The following HMCN1 variants were observed in gnomAD, a reference collection of about 807,000 sequenced individuals.
The protein encoded by HMCN1 is hemicentin-1.
A neutral mutation model predicts 625.9 loss-of-function variants in HMCN1; 321 were observed. The observed-to-expected ratio is 0.51, with a 90% CI of 0.47 to 0.56. The LOEUF is 0.56. Among genes scored for constraint, HMCN1 ranks in the 20% least tolerant of loss-of-function variants. HMCN1 has a pLI of 0.00. For synonymous variants in HMCN1, 2,425 were observed against 2,417.6 expected (o/e 1.00, Z -0.09); for missense variants, 6,588 against 6,887.3 (o/e 0.96, Z 1.54).
intron 21 of HMCN1, 69 bp downstream of exon 21, chr1:185,989,716 C>G (rs1165268140): frequency 1.4e-6 from 2 of 1,450,846 alleles, no homozygotes; most frequent in African/African-American, 1.4e-5. Context: ...AGTTCTTTCC[C>G]CAATACTGTT....
chr1:186,147,477 T>C (rs901204785), intron 93 of HMCN1, among the ~76,000 whole-genome samples: 1 of 151,440 alleles, frequency 6.6e-6, no homozygotes, highest in African/African-American at 2.4e-5. Flanking sequence ...TGAATCATCA[T>C]GAAAAAATGT....
rs935761408 is a variant in HMCN1, at chr1:185,994,836, G to A, written c.3527G>A (p.Gly1176Glu). ...CTAGTTCCTCCAAAGATACAGCGTG[G>A]ACCTAAACATCTCAAAGTCCAAGTT... is the stretch of plus-strand genomic sequence containing the variant. ...NVHVPPKIQR[G>E]PKHLKVQVGQ... Residue 1176 changes from glycine to glutamate, a missense_variant, in exon 24 of 107, where the codon GGA becomes GAA. This residue lies in a region of HMCN1 where 4,628 missense variants were observed against 4,853.1 expected (regional missense o/e 0.95). Transcript: ENST00000271588. 1.9e-6 allele frequency: 3 copies of A among 1,613,466 alleles called. No individual in the cohort carries two copies. Among genetic ancestry groups the A allele is most frequent in the African/African-American group, 2.7e-5 (2 of 74,902 alleles).
chr1:185,735,094 A>T (rs1388924553), intron 1 of HMCN1, 47 bp downstream of exon 1: 12 of 1,554,924 alleles, frequency 7.7e-6, no homozygotes, highest in Non-Finnish European at 1.1e-5. Context: ...TCATGATTAC[A>T]TTATTTCTCA....
chr1:186,038,764 T>A, intron 37 of HMCN1, 65 bp from the exon 38 acceptor site: 2 of 890,096 alleles, frequency 2.2e-6, no homozygotes, highest in Admixed American at 1.7e-5. Flanking sequence ...TTAGCTAAGA[T>A]CCAACTTAGT....
Position 185,989,641 on chromosome 1 carries a change from G to C in HMCN1, c.3202G>C (p.Val1068Leu), listed in dbSNP as rs1652271532. Residue 1068 changes from valine (V) to leucine (L), a missense_variant, in exon 21 of 107, where the codon GTC (valine) becomes CTC (leucine). Val to Leu is a conservative substitution (Grantham distance 32, BLOSUM62 1). Around this residue, in one of 3 missense-constraint regions of HMCN1, gnomAD observed 4,628 missense variants for 4,853.1 expected, o/e 0.95. Coordinates refer to ENST00000271588, the MANE Select transcript of HMCN1 (RefSeq NM_031935.3). Reference sequence around the variant, plus strand: ...CGCCAAAAGGAAAGTGCAGCTAACAGTCTATGGTGAGAGCTGGTGGAGGAA... The same window carrying C: ...CGCCAAAAGGAAAGTGCAGCTAACACTCTATGGTGAGAGCTGGTGGAGGAA... ...GYAKRKVQLT[V>L]YVRPRVFGDQ... 1 of 1,613,980 alleles carries C rather than the reference G, an allele frequency of 6.2e-7. No individual in the cohort carries two copies. The highest frequency in any genetic ancestry group is 2.2e-5 in the East Asian group (1 of 44,850).
At chr1:185,780,176 G>A (rs1298392425) in intron 1 of HMCN1, among the ~76,000 whole-genome samples, 4 of 152,330 alleles carry the variant, frequency 2.6e-5, no homozygotes, top group Admixed American at 2.0e-4. Flanking sequence ...AAGAATGCTT[G>A]TGATTTTTGT....
chr1:185,791,440 C>T lies in HMCN1; in HGVS notation c.269-54586C>T, dbSNP rs145069445. Among the ~76,000 whole-genome samples the T allele has an allele frequency of 9.3e-4, 142 of 152,214 alleles. 1 individual carries two copies. The highest frequency in any genetic ancestry group is 3.0e-3 in the African/African-American group (124 of 41,530). On this transcript the variant is annotated intron_variant, in intron 1 of 106. Transcript: ENST00000271588. The stretch of plus-strand genomic sequence containing the variant: ...TATTCTACTTACATAAAAAATTTGG[C>T]TGGGCACGGCGGCTGACAATTGTAA...
Position 185,970,363 on chromosome 1 carries a change from C to T in HMCN1, c.2241C>T (p.Phe747=). 6.2e-7 allele frequency: 1 copy of T among 1,613,714 alleles called. No individual in the cohort carries two copies. Among genetic ancestry groups the T allele is most frequent in the Non-Finnish European group, 8.5e-7 (1 of 1,179,650 alleles). ...KGDLELRPST[F]LIIDPLLGLL... ...ATCTTGAGTTGAGGCCCTCAACATT[C>T]CTCATTATTGACCCTCTCTTGGGAC... Residue 747 remains phenylalanine (F), a synonymous_variant, in exon 15 of 107, where the codon TTC becomes TTT. Coordinates refer to ENST00000271588, the MANE Select transcript of HMCN1 (RefSeq NM_031935.3).
intron 2 of HMCN1, among the ~76,000 whole-genome samples, chr1:185,855,640 C>T (rs534306853): frequency 6.6e-6 from 1 of 152,184 alleles, no homozygotes; most frequent in South Asian, 2.1e-4. Context: ...TCCAAAGACC[C>T]AACAAAACAT....
intron 30 of HMCN1, among the ~76,000 whole-genome samples, chr1:186,010,809 C>G (rs987381339): frequency 6.6e-6 from 1 of 151,830 alleles, no homozygotes; most frequent in East Asian, 1.9e-4. Context: ...GCTTTGCAGA[C>G]CATTAGGCAA....
chr1:185,876,757 A>G (rs961489699), intron 4 of HMCN1, among the ~76,000 whole-genome samples: 4 of 151,654 alleles, frequency 2.6e-5, no homozygotes, highest in African/African-American at 9.7e-5. Context: ...TAATGTGCCC[A>G]CTTTTTTTTC....
At chr1:185,871,019 C>T (rs1433782061) in intron 4 of HMCN1, among the ~76,000 whole-genome samples, 1 of 151,950 alleles carries the variant, frequency 6.6e-6, no homozygotes, top group Non-Finnish European at 1.5e-5. Flanking sequence ...ATCATGAGGT[C>T]AAGAGATCGA....
intron 48 of HMCN1, among the ~76,000 whole-genome samples, chr1:186,063,449 A>AGAAGGAAGGAAG (rs71798893): frequency 7.9e-4 from 82 of 104,374 alleles, no homozygotes; most frequent in Admixed American, 2.1e-3. Context: ...GGACGGAGAG[A>AGAAGGAAGGAAG]GAAGGAAGGA....
At chr1:185,784,060 C>T (rs1657369395) in intron 1 of HMCN1, among the ~76,000 whole-genome samples, 1 of 152,216 alleles carries the variant, frequency 6.6e-6, no homozygotes, top group Admixed American at 6.5e-5. Flanking sequence ...TGGCGGTCGC[C>T]CCTCCCCCCG....
At chr1:186,058,707 C>T (rs1363095030) in intron 46 of HMCN1, among the ~76,000 whole-genome samples, 5 of 151,870 alleles carry the variant, frequency 3.3e-5, no homozygotes, top group Non-Finnish European at 1.5e-5. Flanking sequence ...ATTTAGCTTG[C>T]TTAAAATCAA....
At chr1:185,805,654 T>G (rs1379614577) in intron 1 of HMCN1, among the ~76,000 whole-genome samples, 1 of 152,198 alleles carries the variant, frequency 6.6e-6, no homozygotes, top group Non-Finnish European at 1.5e-5. Flanking sequence ...TGCAAATTTA[T>G]TCTGGAAAGC....
At chr1:186,178,816 C>A in intron 104 of HMCN1, 50 bp downstream of exon 104, 1 of 1,204,898 alleles carries the variant, frequency 8.3e-7, no homozygotes, top group South Asian at 1.2e-5. Flanking sequence ...TCTTACTGAT[C>A]AAAGTATGTG....
chr1:186,080,267 C>A (rs1659084385), intron 55 of HMCN1, among the ~76,000 whole-genome samples: 1 of 152,202 alleles, frequency 6.6e-6, no homozygotes, highest in East Asian at 1.9e-4. Flanking sequence ...TTGTTGGAAA[C>A]CCAGATACCA....
intron 23 of HMCN1, chr1:185,993,520 A>G (rs1652579624): frequency 2.0e-6 from 1 of 511,928 alleles, no homozygotes; most frequent in Admixed American, 3.3e-5. Context: ...TCCTTTATCA[A>G]ATAAACTATG....
Sources: gnomAD v4.1 joint callset for allele counts (sites outside exome capture counted in the v4.1 genomes callset) on GRCh38, gnomAD v4.1.1 for gene constraint, gnomAD v4.1.1 regional missense constraint, MANE v1.5 for transcripts, NCBI Gene and HGNC (gene_info 2026-07-23, HGNC 2026-07-21) for gene names.